PTPRN2: variants seen among roughly 807,000 people sequenced by gnomAD.
The protein encoded by PTPRN2 is protein tyrosine phosphatase receptor type N2, also known as receptor-type tyrosine-protein phosphatase N2.
A neutral mutation model predicts 118.8 loss-of-function variants in PTPRN2; 74 were observed. The observed-to-expected ratio is 0.62, with a 90% CI of 0.52 to 0.76. The LOEUF is 0.76. Among genes scored for constraint, PTPRN2 ranks in the 30% least tolerant of loss-of-function variants. PTPRN2 has a pLI of 0.00. For synonymous variants in PTPRN2, 641 were observed against 608.0 expected, an observed-to-expected ratio of 1.05 and a Z score of -0.80; for missense variants, 1,481 against 1,394.4, an observed-to-expected ratio of 1.06 and a Z score of -0.99.
chr7:158,092,010 T>G, intron 10 of PTPRN2, among the ~76,000 whole-genome samples: 2 of 80,328 alleles, frequency 2.5e-5, no homozygotes, highest in East Asian at 3.9e-4. Context: ...GAGGGATAGG[T>G]GATAGATGGT....
In PTPRN2 at chr7:158,365,843, C is replaced by CAA. The variant is rs1177437479; in HGVS notation, c.164-48912_164-48911insTT. The stretch of plus-strand genomic sequence containing the variant: ...GCAGACCAGTGCATGCGTGCACACA[C>CAA]ACACACCCACACACACACAGCATCC... On this transcript the variant is annotated intron_variant, in intron 2 of 22. Coordinates refer to ENST00000389418, the MANE Select transcript of PTPRN2 (RefSeq NM_002847.5). Among the ~76,000 whole-genome samples the CAA allele has an allele frequency of 2.1e-5, 3 of 145,154 alleles. 1 individual carries two copies. The highest frequency in any genetic ancestry group is 7.8e-5 in the African/African-American group (3 of 38,520).
chr7:157,586,662 A>T (rs888519323), intron 17 of PTPRN2, among the ~76,000 whole-genome samples: 1 of 151,542 alleles, frequency 6.6e-6, no homozygotes, highest in Non-Finnish European at 1.5e-5. Context: ...TGTCCTGGAG[A>T]CTCAGGGCCC....
In PTPRN2 at chr7:157,544,775, A is replaced by G. The variant is rs1008804700; in HGVS notation, c.2977-3990T>C. On this transcript the variant is annotated intron_variant, in intron 22 of 22. Coordinates refer to ENST00000389418, the MANE Select transcript of PTPRN2 (RefSeq NM_002847.5). The stretch of plus-strand genomic sequence containing the variant: ...GAGGCATGGACGGGAGAGAGGGGTG[A>G]TTTCAGCCTTGTCTGGCATCCCTTG... 2.6e-5 allele frequency among the ~76,000 whole-genome samples: 4 copies of G among 152,218 alleles called. No homozygotes were observed. In the South Asian group the frequency reaches 8.3e-4, roughly 31 times the overall value.
chr7:158,442,403 C>A (rs1817414917), intron 2 of PTPRN2, among the ~76,000 whole-genome samples: 1 of 152,090 alleles, frequency 6.6e-6, no homozygotes, highest in South Asian at 2.1e-4. Flanking sequence ...TTATCATCTG[C>A]ATGATGAAGA....
intron 2 of PTPRN2, among the ~76,000 whole-genome samples, chr7:158,441,871 AGTG>A (rs1317765475): frequency 3.7e-5 from 5 of 135,998 alleles, no homozygotes; most frequent in African/African-American, 1.5e-4. Flanking sequence ...TGGTCATGGC[AGTG>A]GTGGTGATAG....
chr7:158,356,070 A>G (rs1486710338), intron 2 of PTPRN2, among the ~76,000 whole-genome samples: 2 of 152,210 alleles, frequency 1.3e-5, no homozygotes, highest in Non-Finnish European at 2.9e-5. Flanking sequence ...ACACACATAT[A>G]AATCAATGGA....
At chr7:158,224,343 C>T (rs1450968861) in intron 3 of PTPRN2, among the ~76,000 whole-genome samples, 1 of 152,144 alleles carries the variant, frequency 6.6e-6, no homozygotes, top group Non-Finnish European at 1.5e-5. Flanking sequence ...TATATAATTT[C>T]AAGTCTTATA....
In PTPRN2 at chr7:157,560,486, C is replaced by G. The variant is rs1171895218; in HGVS notation, c.2902+8416G>C. ...CCACGCCCCCGGACCACTGCTCCAA[C>G]CAGCGTTCGTCGTCAGCCCCTTACA... On this transcript the variant is annotated intron_variant, in intron 21 of 22. Transcript: ENST00000389418. This position sits in a 1 kb window ranked among gnomAD's most constrained non-coding sequence, Gnocchi z 6.7. 6.6e-6 allele frequency among the ~76,000 whole-genome samples: 1 copy of G among 152,192 alleles called. No individual in the cohort carries two copies. Among genetic ancestry groups the G allele is most frequent in the Non-Finnish European group, 1.5e-5 (1 of 68,024 alleles).
intron 1 of PTPRN2, among the ~76,000 whole-genome samples, chr7:158,506,590 G>A (rs1563370681): frequency 1.3e-5 from 2 of 151,744 alleles, no homozygotes; most frequent in South Asian, 4.1e-4. Flanking sequence ...AGCCCTACAG[G>A]CCCGGGGTCT....
intron 12 of PTPRN2, among the ~76,000 whole-genome samples, chr7:157,876,312 C>A (rs752283203): frequency 3.9e-5 from 6 of 152,146 alleles, no homozygotes; most frequent in Non-Finnish European, 8.8e-5. Flanking sequence ...ATCCTGGGGG[C>A]CACTCTTCTG....
In PTPRN2 at chr7:157,779,001, G is replaced by A. The variant is rs79297915; in HGVS notation, c.1789-96064C>T. On this transcript the variant is annotated intron_variant, in intron 12 of 22. Coordinates refer to ENST00000389418, the MANE Select transcript of PTPRN2 (RefSeq NM_002847.5). The surrounding 1 kb of genome is among the most constrained non-coding windows in gnomAD (Gnocchi z 4.7). ...CTTTATGCTGGAAACGGGCCACAGCGCTCAAGCAGAGCTCCGCTCACAGCC... is the reference window on the plus strand; with the variant it reads ...CTTTATGCTGGAAACGGGCCACAGCACTCAAGCAGAGCTCCGCTCACAGCC... Among the ~76,000 whole-genome samples, 347 of 152,326 alleles carry A rather than the reference G, an allele frequency of 2.3e-3. 1 individual carries two copies. The highest frequency in any genetic ancestry group is 7.7e-3 in the African/African-American group (319 of 41,566).
At chr7:158,137,048 C>A (rs1188211146) in intron 7 of PTPRN2, among the ~76,000 whole-genome samples, 2 of 152,198 alleles carry the variant, frequency 1.3e-5, no homozygotes, top group Non-Finnish European at 2.9e-5. Flanking sequence ...AAGCCTTCGC[C>A]AAAACCACCT....
intron 5 of PTPRN2, among the ~76,000 whole-genome samples, chr7:158,188,958 T>C (rs1156900980): frequency 6.6e-6 from 1 of 152,156 alleles, no homozygotes; most frequent in Non-Finnish European, 1.5e-5. Context: ...ACTGAGCACC[T>C]GGAAAGCATC....
chr7:158,289,875 C>T (rs1489387446), intron 3 of PTPRN2, among the ~76,000 whole-genome samples: 1 of 152,244 alleles, frequency 6.6e-6, no homozygotes, highest in South Asian at 2.1e-4. Context: ...ATCTGGCATG[C>T]TCCATAGGTA....
chr7:157,784,875 T>C lies in PTPRN2; in HGVS notation c.1789-101938A>G, dbSNP rs1226359416. Among the ~76,000 whole-genome samples, 1 of 151,972 alleles carries C rather than the reference T, an allele frequency of 6.6e-6. No homozygotes were observed. Among genetic ancestry groups the C allele is most frequent in the Non-Finnish European group, 1.5e-5 (1 of 67,968 alleles). On this transcript the variant is annotated intron_variant, in intron 12 of 22. Coordinates refer to ENST00000389418, the MANE Select transcript of PTPRN2 (RefSeq NM_002847.5). The surrounding 1 kb of genome is among the most constrained non-coding windows in gnomAD (Gnocchi z 4.6). ...GACAAGTAATAAGGTCAAGATATTT[T>C]TGGACTTGTTCAAATGGGTGGGCAG...
chr7:158,448,832 C>T (rs1039218434), intron 2 of PTPRN2, among the ~76,000 whole-genome samples: 19 of 152,202 alleles, frequency 1.2e-4, no homozygotes, highest in Non-Finnish European at 2.6e-4. Context: ...GCCCCACCAG[C>T]GTTTCCAATG....
intron 12 of PTPRN2, among the ~76,000 whole-genome samples, chr7:157,740,770 G>A (rs1218800114): frequency 2.6e-5 from 4 of 152,254 alleles, no homozygotes; most frequent in East Asian, 1.9e-4. Flanking sequence ...AGCAAGCCTC[G>A]GAATCACCTC....
At chr7:157,660,727 A>G (rs1168595499) in intron 13 of PTPRN2, among the ~76,000 whole-genome samples, 5 of 152,146 alleles carry the variant, frequency 3.3e-5, no homozygotes, top group Non-Finnish European at 7.4e-5. Context: ...GGCAAATGTA[A>G]AGATATTTCT....
chr7:158,452,482 C>T (rs1670377), intron 2 of PTPRN2, among the ~76,000 whole-genome samples: 79,632 of 152,022 alleles, frequency 0.52, 21,137 homozygotes, highest in Non-Finnish European at 0.55. Context: ...CCCATTCTCC[C>T]TGGTTCACCC....
Sources: gnomAD v4.1 joint callset for allele counts (sites outside exome capture counted in the v4.1 genomes callset) on GRCh38, gnomAD v4.1.1 for gene constraint, Gnocchi (gnomAD v3.1) non-coding constraint, MANE v1.5 for transcripts, NCBI Gene and HGNC (gene_info 2026-07-23, HGNC 2026-07-21) for gene names.